Variants in PCDHA5 observed in about 807,000 individuals in gnomAD.
The protein encoded by PCDHA5 is protocadherin alpha-5.
In PCDHA5, 43 loss-of-function variants were observed where a neutral mutation model predicts 61.6. That is an observed-to-expected ratio of 0.70 (90% CI 0.55 to 0.90). The LOEUF (loss-of-function observed/expected upper bound fraction) is 0.90, where lower values mean the gene tolerates loss of function less well. PCDHA5 is among the 40% of genes least tolerant of loss of function. The pLI, the probability that PCDHA5 is intolerant of heterozygous loss-of-function variation, is 0.00. For missense variants in PCDHA5, 1,298 were observed against 1,222.7 expected, an observed-to-expected ratio of 1.06 and a Z score of -0.92; for synonymous variants, 627 against 543.9, an observed-to-expected ratio of 1.15 and a Z score of -2.13.
chr5:140,828,831 A>G (rs2150159433), intron 1 of PCDHA5: 1 of 1,614,230 alleles, frequency 6.2e-7, no homozygotes, highest in East Asian at 2.2e-5. Flanking sequence ...CAGTCTGAAT[A>G]CGAAGTAAGA....
At position 140,823,471 on chromosome 5, in the gene PCDHA5, G is replaced by A. The variant is rs1554129365; in HGVS notation, c.1696G>A (p.Val566Met). 5.0e-6 allele frequency: 8 copies of A among 1,613,470 alleles called. No individual in the cohort carries two copies. Among genetic ancestry groups the A allele is most frequent in the Non-Finnish European group, 6.8e-6 (8 of 1,179,730 alleles). The change falls in exon 1 of 4, where the codon GTG becomes ATG. Residue 566 changes from valine (V) to methionine (M), a missense_variant. Transcript: ENST00000529859. ...DENDNAPALL[V>M]PRVGGTGGAV... ...GAACGACAACGCGCCGGCGCTGCTG[G>A]TGCCTCGAGTGGGTGGCACCGGCGG... is the stretch of plus-strand genomic sequence containing the variant.
At chr5:140,983,408 A>G (rs1554245369) in intron 3 of PCDHA5, among the ~76,000 whole-genome samples, 1 of 152,208 alleles carries the variant, frequency 6.6e-6, no homozygotes, top group Non-Finnish European at 1.5e-5. Flanking sequence ...GGGAAGATTA[A>G]GTGTTGGTAG....
intron 3 of PCDHA5, among the ~76,000 whole-genome samples, chr5:141,002,843 A>G (rs2098098678): frequency 6.6e-6 from 1 of 152,224 alleles, no homozygotes; most frequent in African/African-American, 2.4e-5. Context: ...AGGACTATGC[A>G]CTAGTGAGAG....
At chr5:140,824,801 TG>T (rs1474083904) in intron 1 of PCDHA5, 15 of 151,892 alleles carry the variant, frequency 9.9e-5, no homozygotes, top group African/African-American at 3.1e-4. Flanking sequence ...TTTGCCTTTT[TG>T]TTTCTATTGA....
At chr5:140,843,518 C>T in intron 1 of PCDHA5, 2 of 1,595,646 alleles carry the variant, frequency 1.3e-6, no homozygotes, top group South Asian at 1.1e-5. Context: ...GGGCGGGTGC[C>T]GGGCGGGCAA....
At chr5:140,961,997 C>T (rs1160116142) in intron 1 of PCDHA5, among the ~76,000 whole-genome samples, 1 of 152,080 alleles carries the variant, frequency 6.6e-6, no homozygotes, top group South Asian at 2.1e-4. Context: ...CATTGTCCTG[C>T]CTCAGCTTCC....
rs1436927101 is a variant in PCDHA5 at position 140,886,292 on chromosome 5, T to A, written c.2352+62165T>A. Reference sequence around the variant, plus strand: ...AAATTTTTTAAAATTATTTTTATATTTATTTATTTTTTATTACACTTTAAG... The same window carrying A: ...AAATTTTTTAAAATTATTTTTATATATATTTATTTTTTATTACACTTTAAG... On this transcript the variant is annotated intron_variant, in intron 1 of 3. Coordinates refer to ENST00000529859, the MANE Select transcript of PCDHA5 (RefSeq NM_018908.3). 5.3e-5 allele frequency among the ~76,000 whole-genome samples: 8 copies of A among 152,090 alleles called. No homozygotes were observed. In the East Asian group the frequency reaches 1.3e-3, roughly 26 times the overall value.
chr5:140,971,420 TGAA>T (rs782149033), intron 1 of PCDHA5, among the ~76,000 whole-genome samples: 3 of 152,112 alleles, frequency 2.0e-5, no homozygotes, highest in Non-Finnish European at 4.4e-5. Flanking sequence ...GGAAATCCAG[TGAA>T]GAACCCCAAG....
chr5:140,995,679 T>C (rs2153934903), intron 3 of PCDHA5, among the ~76,000 whole-genome samples: 1 of 152,322 alleles, frequency 6.6e-6, no homozygotes, highest in Non-Finnish European at 1.5e-5. Context: ...GCAGCATTTT[T>C]TTTAATTGTT....
intron 1 of PCDHA5, chr5:140,877,982 T>C (rs1320294784): frequency 1.6e-6 from 2 of 1,221,162 alleles, no homozygotes; most frequent in African/African-American, 3.1e-5. Context: ...CTTACTCATT[T>C]TGAACTTTTA....
intron 1 of PCDHA5, among the ~76,000 whole-genome samples, chr5:140,838,280 A>ATTTTTTTT (rs34299325): frequency 2.9e-5 from 4 of 139,572 alleles, no homozygotes; most frequent in African/African-American, 8.2e-5. Flanking sequence ...AGCCATGCTA[A>ATTTTTTTT]TTTTTTTTTT....
At chr5:140,866,727 T>C (rs1254232410) in intron 1 of PCDHA5, 1 of 152,170 alleles carries the variant, frequency 6.6e-6, no homozygotes, top group East Asian at 1.9e-4. Context: ...CATTAAACTA[T>C]GCACTCTAAT....
chr5:140,833,558 A>G (rs1329947053), intron 1 of PCDHA5, among the ~76,000 whole-genome samples: 1 of 152,224 alleles, frequency 6.6e-6, no homozygotes, highest in African/African-American at 2.4e-5. Context: ...TGAGGAAACA[A>G]ATATAAAATG....
At chr5:140,953,565 C>A (rs1433649283) in intron 1 of PCDHA5, among the ~76,000 whole-genome samples, 2 of 151,370 alleles carry the variant, frequency 1.3e-5, no homozygotes, top group African/African-American at 2.5e-5. Context: ...AGTTTTAGTG[C>A]CCTCCTCTCC....
At chr5:140,875,501 G>A (rs1457273881) in intron 1 of PCDHA5, 2 of 1,613,368 alleles carry the variant, frequency 1.2e-6, no homozygotes, top group Non-Finnish European at 1.7e-6. Context: ...AGAGGCCCGG[G>A]ATCCCAGCGT....
At chr5:140,946,610 A>AT (rs2093970425) in intron 1 of PCDHA5, among the ~76,000 whole-genome samples, 1 of 119,932 alleles carries the variant, frequency 8.3e-6, no homozygotes, top group African/African-American at 3.4e-5. Flanking sequence ...AGAAAATGTG[A>AT]AATATATATA....
At chr5:140,883,830 A>G in intron 1 of PCDHA5, 5 of 1,612,532 alleles carry the variant, frequency 3.1e-6, no homozygotes, top group Non-Finnish European at 4.2e-6. Context: ...TACGCGCTGC[A>G]GCCGTTGGAC....
At chr5:140,830,488 A>C in intron 1 of PCDHA5, 1 of 1,494,964 alleles carries the variant, frequency 6.7e-7, no homozygotes, top group Middle Eastern at 1.8e-4. Flanking sequence ...ATGCCAAAGT[A>C]AGTGAATTTT....
chr5:140,858,871 T>A (rs1000901337), intron 1 of PCDHA5: 6 of 248,826 alleles, frequency 2.4e-5, no homozygotes, highest in African/African-American at 1.2e-4. Context: ...TGAAAATGTG[T>A]TTTCCTCCAT....
Sources: gnomAD v4.1 joint callset for allele counts (sites outside exome capture counted in the v4.1 genomes callset) on GRCh38, gnomAD v4.1.1 for gene constraint, MANE v1.5 for transcripts, NCBI Gene and HGNC (gene_info 2026-07-23, HGNC 2026-07-21) for gene names.